VPS35L: variants seen among roughly 807,000 people sequenced by gnomAD.
VPS35L encodes VPS35 endosomal protein-sorting factor-like.
Under a neutral mutation model 133.0 loss-of-function variants are expected in VPS35L, and 83 were observed. The observed-to-expected ratio is 0.62, with a 90% CI of 0.52 to 0.75. VPS35L has a LOEUF of 0.75. Among genes scored for constraint, VPS35L ranks in the 30% least tolerant of loss-of-function variants. The pLI is 0.00. For synonymous variants in VPS35L, 423 were observed against 449.9 expected (o/e 0.94, Z 0.76); for missense variants, 1,083 against 1,206.8 (o/e 0.90, Z 1.52).
At chr16:19,631,108 T>C (rs1344513785) in intron 18 of VPS35L, among the ~76,000 whole-genome samples, 7 of 152,168 alleles carry the variant, frequency 4.6e-5, no homozygotes, top group African/African-American at 1.4e-4. Flanking sequence ...GAATGGGTCC[T>C]CACCAGACAC....
At chr16:19,643,829 G>A (rs988422476) in intron 22 of VPS35L, among the ~76,000 whole-genome samples, 8 of 151,510 alleles carry the variant, frequency 5.3e-5, no homozygotes, top group African/African-American at 1.2e-4. Flanking sequence ...GCCTTGGAAC[G>A]TGCCTGTAAT....
At chr16:19,576,593 A>T (rs1971546738) in intron 5 of VPS35L, among the ~76,000 whole-genome samples, 1 of 152,170 alleles carries the variant, frequency 6.6e-6, no homozygotes, top group South Asian at 2.1e-4. Flanking sequence ...CTGACGGATC[A>T]TGTGCTGCTG....
At chr16:19,672,774 G>A (rs1335587289) in intron 27 of VPS35L, among the ~76,000 whole-genome samples, 2 of 152,054 alleles carry the variant, frequency 1.3e-5, no homozygotes, top group African/African-American at 4.8e-5. Flanking sequence ...CTCTCTTTGG[G>A]TAAGCTAGTT....
intron 26 of VPS35L, among the ~76,000 whole-genome samples, chr16:19,667,252 G>A (rs761524091): frequency 2.0e-5 from 3 of 151,982 alleles, no homozygotes; most frequent in East Asian, 1.9e-4. Flanking sequence ...GTGAGCTACC[G>A]TACCTGGTTG....
At chr16:19,619,319 G>A (rs774397093) in intron 14 of VPS35L, among the ~76,000 whole-genome samples, 6 of 152,044 alleles carry the variant, frequency 3.9e-5, no homozygotes, top group Non-Finnish European at 7.4e-5. Context: ...GAGAAAAACT[G>A]GGACATCTTG....
At chr16:19,627,046 C>CCCAGG (rs1465993859) in intron 15 of VPS35L, among the ~76,000 whole-genome samples, 26 of 152,198 alleles carry the variant, frequency 1.7e-4, no homozygotes, top group Non-Finnish European at 3.7e-4. Context: ...CTTTGGGAGG[C>CCCAGG]TGAGACGGGT....
chr16:19,588,520 T>G (rs566848746), intron 7 of VPS35L, among the ~76,000 whole-genome samples: 1 of 152,268 alleles, frequency 6.6e-6, no homozygotes, highest in East Asian at 1.9e-4. Flanking sequence ...TAACTTTTTT[T>G]TTCTTCTTCT....
chr16:19,617,491 T>C (rs1458669686), intron 14 of VPS35L: 1 of 152,490 alleles, frequency 6.6e-6, no homozygotes, highest in Admixed American at 6.5e-5. Context: ...AATAATCCAA[T>C]AAAGTCTGTA....
chr16:19,667,751 AC>A (rs1382769590), intron 26 of VPS35L, among the ~76,000 whole-genome samples: 1,572 of 150,990 alleles, frequency 0.01, 27 homozygotes, highest in African/African-American at 0.036. Context: ...AAAAAAAAAA[AC>A]CAGAAAAAAA....
At chr16:19,684,205 G>C (rs189791579) in intron 28 of VPS35L, among the ~76,000 whole-genome samples, 1 of 152,256 alleles carries the variant, frequency 6.6e-6, no homozygotes, top group Admixed American at 6.5e-5. Context: ...GCCTCCTCGT[G>C]TCCTGGACTT....
rs55812860 is a variant in VPS35L, at chr16:19,683,349, T to C, written c.2527+959T>C. ...ACTTCTATTTTAGATTTAGGAGGTA[T>C]ACGTGCAGGTTTGTGACAGGGGTAT... On this transcript the variant is annotated intron_variant, in intron 28 of 30. Coordinates refer to ENST00000417362, the MANE Select transcript of VPS35L (RefSeq NM_020314.7). 9.5e-3 allele frequency among the ~76,000 whole-genome samples: 1,450 copies of C among 152,360 alleles called. 16 individuals carry two copies. The highest frequency in any genetic ancestry group is 0.033 in the African/African-American group (1,373 of 41,590).
chr16:19,655,006 T>C (rs1359874866), intron 26 of VPS35L, among the ~76,000 whole-genome samples: 1 of 152,208 alleles, frequency 6.6e-6, no homozygotes, highest in Non-Finnish European at 1.5e-5. Context: ...TTATCAAAGA[T>C]TTGGTGCTCC....
At chr16:19,685,706 C>T (rs1975433573) in intron 28 of VPS35L, among the ~76,000 whole-genome samples, 1 of 152,132 alleles carries the variant, frequency 6.6e-6, no homozygotes, top group Non-Finnish European at 1.5e-5. Flanking sequence ...GTCAGCTGTT[C>T]TAGGAGTGGA....
At chr16:19,644,774 A>G (rs1391610693) in intron 22 of VPS35L, 112 bp from the exon 23 acceptor site, 14 of 634,634 alleles carry the variant, frequency 2.2e-5, no homozygotes, top group Admixed American at 3.4e-5. Flanking sequence ...TTTTAAATCT[A>G]GAAAATGCAA....
chr16:19,653,057 T>A (rs1190422519), intron 26 of VPS35L, among the ~76,000 whole-genome samples: 1 of 151,924 alleles, frequency 6.6e-6, no homozygotes, highest in Non-Finnish European at 1.5e-5. Flanking sequence ...ATCTGGGAGG[T>A]GTTGTCAGAC....
At chr16:19,646,641 G>A (rs1224288860) in intron 23 of VPS35L, among the ~76,000 whole-genome samples, 1 of 151,458 alleles carries the variant, frequency 6.6e-6, no homozygotes, top group Non-Finnish European at 1.5e-5. Context: ...CTCCAGCCTG[G>A]GCAACAGAGC....
At chr16:19,679,510 TA>T (rs1200738682) in intron 27 of VPS35L, among the ~76,000 whole-genome samples, 92 of 123,374 alleles carry the variant, frequency 7.5e-4, no homozygotes, top group East Asian at 1.2e-3. Flanking sequence ...TTTATTTATT[TA>T]TTTATTTTTT....
intron 1 of VPS35L, 36 bp from the exon 2 acceptor site, chr16:19,564,815 C>T (rs750769446): frequency 7.6e-6 from 11 of 1,443,440 alleles, no homozygotes; most frequent in Non-Finnish European, 1.1e-5. Flanking sequence ...TTAAGTACCC[C>T]CATCCACTAA....
intron 2 of VPS35L, among the ~76,000 whole-genome samples, chr16:19,565,562 A>G (rs1971163372): frequency 6.6e-6 from 1 of 152,222 alleles, no homozygotes; most frequent in African/African-American, 2.4e-5. Flanking sequence ...CATGTTGGCC[A>G]GGCTGGTCTC....
Sources: allele counts gnomAD v4.1 joint callset (sites outside exome capture counted in the v4.1 genomes callset), GRCh38; gene constraint gnomAD v4.1.1; transcripts MANE v1.5; gene names NCBI Gene and HGNC (gene_info 2026-07-23, HGNC 2026-07-21).